SLC25A26: variants seen among roughly 807,000 people sequenced by gnomAD.
SLC25A26 encodes mitochondrial S-adenosylmethionine carrier protein.
Under a neutral mutation model 37.8 loss-of-function variants are expected in SLC25A26, and 36 were observed. That is an observed-to-expected ratio of 0.95 (90% confidence interval 0.73 to 1.26). The LOEUF (loss-of-function observed/expected upper bound fraction) is 1.26. Ranked by LOEUF, SLC25A26 falls within the 50% of genes most tolerant of loss-of-function variation. SLC25A26 has a pLI of 0.00. For synonymous variants in SLC25A26, 129 were observed against 122.5 expected (o/e 1.05, Z -0.35); for missense variants, 390 against 331.1 (o/e 1.18, Z -1.38).
chr3:66,299,807 A>G (rs1208893923), intron 5 of SLC25A26, among the ~76,000 whole-genome samples: 1 of 152,168 alleles, frequency 6.6e-6, no homozygotes. Flanking sequence ...AGAAACTTCC[A>G]CATGCGGGTA....
intron 1 of SLC25A26, among the ~76,000 whole-genome samples, chr3:66,226,712 C>T (rs1553660860): frequency 1.3e-5 from 2 of 152,176 alleles, no homozygotes. Context: ...ATCCTCCTGA[C>T]TCAGCTTCAA....
chr3:66,333,277 A>G (rs2076019727), intron 5 of SLC25A26, among the ~76,000 whole-genome samples: 1 of 152,062 alleles, frequency 6.6e-6, no homozygotes, highest in Admixed American at 6.6e-5. Flanking sequence ...TTCAGCTGGT[A>G]CTGCTGTTCA....
chr3:66,348,053 C>T (rs1435712391), intron 6 of SLC25A26, among the ~76,000 whole-genome samples: 1 of 152,160 alleles, frequency 6.6e-6, no homozygotes, highest in African/African-American at 2.4e-5. Context: ...TGGGTTGATA[C>T]ATGCAACAAA....
chr3:66,309,393 T>C (rs752158813), intron 5 of SLC25A26, among the ~76,000 whole-genome samples: 34 of 152,304 alleles, frequency 2.2e-4, no homozygotes, highest in Non-Finnish European at 3.7e-4. Flanking sequence ...TCTATTTGAT[T>C]CTTCTCTCTT....
intron 5 of SLC25A26, among the ~76,000 whole-genome samples, chr3:66,319,912 C>T (rs1057465523): frequency 2.6e-5 from 4 of 151,824 alleles, no homozygotes; most frequent in African/African-American, 4.8e-5. Context: ...CACCACCACG[C>T]CTGGCTAATT....
intron 1 of SLC25A26, among the ~76,000 whole-genome samples, chr3:66,205,275 A>C (rs2071162347): frequency 6.6e-6 from 1 of 152,214 alleles, no homozygotes; most frequent in African/African-American, 2.4e-5. Flanking sequence ...CCTTTATGGA[A>C]TGATTTTAAA....
chr3:66,299,009 T>C (rs1576825049), intron 5 of SLC25A26, among the ~76,000 whole-genome samples: 1 of 152,286 alleles, frequency 6.6e-6, no homozygotes, highest in East Asian at 1.9e-4. Flanking sequence ...GTAAACTTAG[T>C]TAACTAACTT....
chr3:66,295,045 A>G (rs1211618800), intron 5 of SLC25A26, among the ~76,000 whole-genome samples: 1 of 152,250 alleles, frequency 6.6e-6, no homozygotes, highest in Non-Finnish European at 1.5e-5. Context: ...AACTGGTTGG[A>G]TACAGAATAA....
chr3:66,299,980 C>G (rs146028671), intron 5 of SLC25A26, among the ~76,000 whole-genome samples: 1 of 152,144 alleles, frequency 6.6e-6, no homozygotes, highest in African/African-American at 2.4e-5. Context: ...TTTGAGCCAT[C>G]TGGAACTTTA....
At chr3:66,213,265 T>TG (rs2071310530) in intron 1 of SLC25A26, among the ~76,000 whole-genome samples, 1 of 151,792 alleles carries the variant, frequency 6.6e-6, no homozygotes, top group Non-Finnish European at 1.5e-5. Context: ...CCAGGTGTGG[T>TG]AGCCCATACC....
chr3:66,216,107 T>C (rs1343196472), upstream of SLC25A26, among the ~76,000 whole-genome samples: 3 of 152,206 alleles, frequency 2.0e-5, no homozygotes, highest in Non-Finnish European at 4.4e-5. Flanking sequence ...GGAGGAGCCA[T>C]CATGACCTAA....
chr3:66,359,514 C>T (rs2076650446), intron 6 of SLC25A26, among the ~76,000 whole-genome samples: 2 of 152,218 alleles, frequency 1.3e-5, no homozygotes, highest in African/African-American at 2.4e-5. Context: ...CTCTTTGGAA[C>T]ATTTAAAGAT....
chr3:66,251,463 C>T (rs140949049), intron 3 of SLC25A26, among the ~76,000 whole-genome samples: 73 of 152,252 alleles, frequency 4.8e-4, no homozygotes, highest in Admixed American at 3.7e-3. Context: ...GTGTGTTGTG[C>T]ACCTACTTGA....
intron 2 of SLC25A26, among the ~76,000 whole-genome samples, 197 bp from the exon 3 acceptor site, chr3:66,243,006 A>G (rs1183259281): frequency 1.3e-5 from 2 of 152,240 alleles, no homozygotes; most frequent in African/African-American, 4.8e-5. Flanking sequence ...GCATTTTTGT[A>G]AGTCTAAGAT....
At position 66,245,005 on chromosome 3, in the gene SLC25A26, T is replaced by C. The variant is rs187650274; in HGVS notation, c.300+1693T>C. The stretch of plus-strand genomic sequence containing the variant: ...AAAACAAAAAACAAACAAAAAACTC[T>C]TTTGTAAATAATTTCAGTCAAAGTA... On this transcript the variant is annotated intron_variant, in intron 3 of 9. Transcript: ENST00000354883. Among the ~76,000 whole-genome samples, 306 of 152,042 alleles carry C rather than the reference T, an allele frequency of 2.0e-3. 1 individual carries two copies. Among genetic ancestry groups the C allele is most frequent in the Non-Finnish European group, 3.2e-3 (217 of 67,914 alleles).
intron 1 of SLC25A26, among the ~76,000 whole-genome samples, chr3:66,191,706 A>G (rs1481593375): frequency 6.6e-6 from 1 of 151,650 alleles, no homozygotes; most frequent in Non-Finnish European, 1.5e-5. Context: ...ACTGGCCAAC[A>G]TGGTGAAACT....
At chr3:66,212,109 C>T (rs956321221) in intron 1 of SLC25A26, among the ~76,000 whole-genome samples, 151,082 of 152,292 alleles carry the variant, frequency 0.99, 74,949 homozygotes, top group East Asian at 1. Context: ...TTATGATTGT[C>T]CTACTTATTG....
chr3:66,224,225 A>G (rs1553659664), intron 1 of SLC25A26, among the ~76,000 whole-genome samples: 1 of 152,214 alleles, frequency 6.6e-6, no homozygotes, highest in East Asian at 1.9e-4. Flanking sequence ...TGGTGGTAGG[A>G]TTACATCGTG....
At chr3:66,217,651 C>A (rs1298818835), upstream of SLC25A26, among the ~76,000 whole-genome samples, 1 of 151,882 alleles carries the variant, frequency 6.6e-6, no homozygotes, top group Non-Finnish European at 1.5e-5. Context: ...CGGGTTCAAG[C>A]GATTCTCCTG....
Sources: gnomAD v4.1 joint callset for allele counts (sites outside exome capture counted in the v4.1 genomes callset) on GRCh38, gnomAD v4.1.1 for gene constraint, MANE v1.5 for transcripts, NCBI Gene and HGNC (gene_info 2026-07-23, HGNC 2026-07-21) for gene names.